The following NUMB variants were observed in gnomAD, a reference collection of about 807,000 sequenced individuals.
NUMB encodes NUMB endocytic adaptor protein.
Under a neutral mutation model 59.7 loss-of-function variants are expected in NUMB, and 29 were observed. The observed-to-expected ratio is 0.49, with a 90% CI of 0.36 to 0.66. NUMB has a LOEUF of 0.66. NUMB is among the 30% of genes least tolerant of loss of function. NUMB has a pLI of 0.00. For synonymous variants in NUMB, 288 were observed against 288.2 expected (o/e 1.00, Z 0.01); for missense variants, 723 against 822.0 (o/e 0.88, Z 1.47).
At chr14:73,386,220 G>C (rs1895516825) in intron 2 of NUMB, among the ~76,000 whole-genome samples, 1 of 152,134 alleles carries the variant, frequency 6.6e-6, no homozygotes, top group Admixed American at 6.5e-5. Context: ...CTGCACTCCA[G>C]CCTGGGCAAC....
Position 73,275,547 on chromosome 14 carries a change from T to G in NUMB, c.*1031A>C, listed in dbSNP as rs569991272. On this transcript the variant is annotated 3_prime_UTR_variant, in exon 13 of 13. Transcript: ENST00000555238. ...ACCTGTGTTCCCTTCTATGGTATGA[T>G]TATGTCATGTTACCTTAGTGTTAAA... 2 of 152,268 alleles carry G rather than the reference T, an allele frequency of 1.3e-5. No homozygotes were observed. Among genetic ancestry groups the G allele is most frequent in the South Asian group, 4.2e-4 (2 of 4,812 alleles). The allele number at this position is 152,268 out of a possible 1,614,324, so 9.4% of individuals were successfully genotyped here.
chr14:73,382,105 A>G (rs1283729541), intron 2 of NUMB, among the ~76,000 whole-genome samples: 1 of 152,182 alleles, frequency 6.6e-6, no homozygotes, highest in Non-Finnish European at 1.5e-5. Flanking sequence ...CCCTTGGGGT[A>G]TTTACTGAAT....
At chr14:73,347,247 TCTG>T in intron 4 of NUMB, among the ~76,000 whole-genome samples, 1 of 152,210 alleles carries the variant, frequency 6.6e-6, no homozygotes, top group Non-Finnish European at 1.5e-5. Context: ...TTGCTACTAC[TCTG>T]CTTTTTGAAG....
intron 4 of NUMB, among the ~76,000 whole-genome samples, chr14:73,354,502 C>T (rs1247231381): frequency 3.0e-5 from 4 of 132,076 alleles, no homozygotes; most frequent in Non-Finnish European, 3.1e-5. Flanking sequence ...CACAGCAAGA[C>T]TCCATCTCAA....
At chr14:73,278,006 C>CAAG (rs1369907541) in intron 12 of NUMB, among the ~76,000 whole-genome samples, 1 of 114,288 alleles carries the variant, frequency 8.7e-6, no homozygotes, top group Admixed American at 1.4e-4. Context: ...TGCAGTGAAC[C>CAAG]AAGATACTCC....
intron 2 of NUMB, among the ~76,000 whole-genome samples, chr14:73,388,905 A>G (rs1364468807): frequency 3.3e-5 from 5 of 151,996 alleles, no homozygotes; most frequent in African/African-American, 1.2e-4. Context: ...AGACCATCCT[A>G]GCTGACACAG....
chr14:73,348,262 G>C (rs1893016089), intron 4 of NUMB, among the ~76,000 whole-genome samples: 1 of 152,194 alleles, frequency 6.6e-6, no homozygotes, highest in African/African-American at 2.4e-5. Context: ...AAGTGTATGA[G>C]TTGGGGAGGG....
At chr14:73,419,926 T>C (rs932095368) in intron 1 of NUMB, among the ~76,000 whole-genome samples, 2 of 152,220 alleles carry the variant, frequency 1.3e-5, no homozygotes, top group African/African-American at 4.8e-5. Flanking sequence ...AGTGCAGTAG[T>C]GCCATCTTGG....
chr14:73,428,158 CAA>C (rs1897667129), intron 1 of NUMB, among the ~76,000 whole-genome samples: 2 of 152,080 alleles, frequency 1.3e-5, no homozygotes, highest in Admixed American at 1.3e-4. Context: ...AAAATAGTCT[CAA>C]GAGAATAACT....
intron 1 of NUMB, among the ~76,000 whole-genome samples, chr14:73,422,892 G>A (rs1023409904): frequency 7.7e-5 from 11 of 142,058 alleles, no homozygotes; most frequent in African/African-American, 3.0e-4. Flanking sequence ...CATATCAGGA[G>A]GAAGAGATCC....
intron 3 of NUMB, among the ~76,000 whole-genome samples, chr14:73,356,471 C>T (rs1417070721): frequency 1.3e-5 from 2 of 152,028 alleles, no homozygotes; most frequent in East Asian, 1.9e-4. Context: ...GGCAAAACCC[C>T]GCCTCTACTA....
chr14:73,333,323 C>T (rs1475627812), intron 4 of NUMB, among the ~76,000 whole-genome samples: 1 of 152,144 alleles, frequency 6.6e-6, no homozygotes, highest in Admixed American at 6.5e-5. Context: ...ATTTGCATTT[C>T]GCTGATAATG....
chr14:73,372,524 A>C (rs1385357486), intron 2 of NUMB, among the ~76,000 whole-genome samples: 1 of 149,864 alleles, frequency 6.7e-6, no homozygotes, highest in East Asian at 1.9e-4. Flanking sequence ...ATAGATATGA[A>C]TAGATATTAA....
At position 73,279,329 on chromosome 14, in the gene NUMB, C is replaced by T; in HGVS notation, c.1192G>A (p.Ala398Thr). Residue 398 changes from alanine to threonine, a missense_variant, in exon 12 of 13, where the codon GCC (alanine) becomes ACC (threonine). Ala to Thr is a moderately conservative substitution (Grantham distance 58, BLOSUM62 0). Coordinates refer to ENST00000555238, the MANE Select transcript of NUMB (RefSeq NM_001005743.2). Reference protein sequence around the residue: ...AMPVRETNPWAHAPDAANKEI... With the variant: ...AMPVRETNPWTHAPDAANKEI... The stretch of plus-strand genomic sequence containing the variant: ...TTGTTAGCAGCATCAGGGGCATGGG[C>T]CCAAGGGTTGGTTTCACGCACAGGC... 1 of 1,614,010 alleles carries T rather than the reference C, an allele frequency of 6.2e-7. No individual in the cohort carries two copies. The highest frequency in any genetic ancestry group is 8.5e-7 in the Non-Finnish European group (1 of 1,179,908).
chr14:73,457,166 T>C (rs1003469860), intron 1 of NUMB, among the ~76,000 whole-genome samples: 10 of 152,200 alleles, frequency 6.6e-5, no homozygotes, highest in African/African-American at 2.4e-4. Flanking sequence ...TTCTTTTCAC[T>C]TTAGCCGAGT....
chr14:73,381,026 A>G lies in NUMB; in HGVS notation c.-100-14045T>C, dbSNP rs118122593. On this transcript the variant is annotated intron_variant, in intron 2 of 12. Coordinates refer to ENST00000555238, the MANE Select transcript of NUMB (RefSeq NM_001005743.2). Reference sequence around the variant, plus strand: ...GCATGAGCCACTGCACCCGACCTCAATTAGTTCTTTTAATTCTTCTATTAT... The same window carrying G: ...GCATGAGCCACTGCACCCGACCTCAGTTAGTTCTTTTAATTCTTCTATTAT... 6.8e-3 allele frequency among the ~76,000 whole-genome samples: 1,041 copies of G among 152,240 alleles called. 5 individuals carry two copies. The highest frequency in any genetic ancestry group is 0.03 in the South Asian group (144 of 4,826).
chr14:73,406,098 T>TTA (rs1555379368), intron 2 of NUMB, among the ~76,000 whole-genome samples: 1 of 151,242 alleles, frequency 6.6e-6, no homozygotes, highest in African/African-American at 2.4e-5. Flanking sequence ...TTTTGTTTTT[T>TTA]TTTTTTTTTA....
At chr14:73,284,002 G>A in intron 10 of NUMB, 79 bp downstream of exon 10, 1 of 1,298,694 alleles carries the variant, frequency 7.7e-7, no homozygotes, top group Non-Finnish European at 1.1e-6. Flanking sequence ...CTAGTTTAAT[G>A]GGATTAGTGT....
rs369452106 is a variant in NUMB, at chr14:73,367,330, CATATAT to C, written c.-100-355_-100-350del. On this transcript the variant is annotated intron_variant, in intron 2 of 12. Transcript: ENST00000555238. Reference sequence around the variant, plus strand: ...ACACACACACACACACACATATATACATATATATATATATATATAGAGAGAGAGAGA... The same window carrying C: ...ACACACACACACACACACATATATACATATATATATATAGAGAGAGAGAGA... 4.6e-3 allele frequency among the ~76,000 whole-genome samples: 530 copies of C among 116,058 alleles called. 30 individuals carry two copies. The highest frequency in any genetic ancestry group is 0.038 in the Admixed American group (414 of 10,862). The allele number at this position is 116,058 out of a possible 152,430, so 76.1% of individuals were successfully genotyped here. A position where few individuals can be genotyped will look rare whatever the true frequency, so the allele number is the denominator to read the frequency against.
Sources: gnomAD v4.1 joint callset for allele counts (sites outside exome capture counted in the v4.1 genomes callset) on GRCh38, gnomAD v4.1.1 for gene constraint, MANE v1.5 for transcripts, NCBI Gene and HGNC (gene_info 2026-07-23, HGNC 2026-07-21) for gene names.